The following ELAVL2 variants were observed in gnomAD, a reference collection of about 807,000 sequenced individuals.
ELAVL2 encodes ELAV-like protein 2.
ELAVL2 carries 4 observed loss-of-function variants against 34.6 expected under a neutral mutation model. The observed-to-expected ratio is 0.12, with a 90% CI of 0.06 to 0.26. The LOEUF is 0.26. Among genes scored for constraint, ELAVL2 ranks in the 10% least tolerant of loss-of-function variants. The pLI is 1.00. For synonymous variants in ELAVL2, 193 were observed against 154.8 expected (o/e 1.25, Z -1.83); for missense variants, 432 against 442.8 (o/e 0.98, Z 0.22).
chr9:23,726,383 TGA>T (rs1379925227), intron 3 of ELAVL2, among the ~76,000 whole-genome samples: 14 of 152,196 alleles, frequency 9.2e-5, no homozygotes, highest in Non-Finnish European at 1.9e-4. Context: ...TATAGCTGAA[TGA>T]TTAAGGAAAA....
At chr9:23,834,731 C>T in the ELAVL2 span, among the ~76,000 whole-genome samples, 1 of 151,972 alleles carries the variant, frequency 6.6e-6, no homozygotes, top group African/African-American at 2.4e-5. Flanking sequence ...TTTCTAATTG[C>T]AACCAAGTTT....
Position 23,692,663 on chromosome 9 carries a change from G to A in ELAVL2, c.974C>T (p.Thr325Ile). 1 of 1,614,154 alleles carries A rather than the reference G, an allele frequency of 6.2e-7. No homozygotes were observed. The highest frequency in any genetic ancestry group is 8.5e-7 in the Non-Finnish European group (1 of 1,180,008). Residue 325 changes from threonine (T) to isoleucine (I), a missense_variant, in exon 7 of 7, where the codon ACA (threonine) becomes ATA (isoleucine). Physicochemically the swap from Thr to Ile is moderately conservative, Grantham distance 89 (BLOSUM62 -1). This residue lies in a region of ELAVL2 where 295 missense variants were observed against 306.1 expected (regional missense o/e 0.96). Transcript: ENST00000397312. ...CGCCATGGCAGCCTCATCATAGTTT[G>A]TCATAGTCACAAATCCAAAACCTTT... ...KCKGFGFVTMTNYDEAAMAIA... is the reference protein window; with the variant it reads ...KCKGFGFVTMINYDEAAMAIA...
chr9:23,814,114 AAC>A (rs1312246758), intron 1 of ELAVL2, among the ~76,000 whole-genome samples: 6 of 152,094 alleles, frequency 3.9e-5, no homozygotes, highest in African/African-American at 1.4e-4. Flanking sequence ...AACTATTTAA[AAC>A]ACAGTTCAGG....
intron 3 of ELAVL2, among the ~76,000 whole-genome samples, chr9:23,714,476 A>T (rs61196597): frequency 0.059 from 8,973 of 152,236 alleles, 896 homozygotes; most frequent in African/African-American, 0.2. Context: ...GAACATAAGG[A>T]AGGAGCTGTC....
At chr9:23,752,705 T>C (rs139557719) in intron 2 of ELAVL2, among the ~76,000 whole-genome samples, 9 of 152,116 alleles carry the variant, frequency 5.9e-5, no homozygotes, top group Non-Finnish European at 1.3e-4. Flanking sequence ...TCTGCCCACC[T>C]TGGCCTCCCA....
the ELAVL2 span, among the ~76,000 whole-genome samples, chr9:23,834,935 C>T: frequency 6.6e-6 from 1 of 151,948 alleles, no homozygotes; most frequent in Non-Finnish European, 1.5e-5. Context: ...ACAAAAAGCT[C>T]AATGTACTTT....
At chr9:23,788,055 G>C (rs1014174083) in intron 1 of ELAVL2, among the ~76,000 whole-genome samples, 6 of 152,142 alleles carry the variant, frequency 3.9e-5, no homozygotes, top group Non-Finnish European at 8.8e-5. Flanking sequence ...TGAACTACAG[G>C]TTAGAAAATT....
At chr9:23,771,674 A>C (rs1348761337) in intron 1 of ELAVL2, among the ~76,000 whole-genome samples, 1 of 152,164 alleles carries the variant, frequency 6.6e-6, no homozygotes, top group African/African-American at 2.4e-5. Flanking sequence ...ATTGATTTGT[A>C]ATCTATGTGA....
intron 1 of ELAVL2, among the ~76,000 whole-genome samples, chr9:23,782,732 A>G (rs1367314347): frequency 1.3e-5 from 2 of 152,218 alleles, no homozygotes; most frequent in Non-Finnish European, 2.9e-5. Context: ...ATGCTCAAAT[A>G]CTTCTTGGTA....
intron 3 of ELAVL2, among the ~76,000 whole-genome samples, chr9:23,705,558 T>A (rs2039042888): frequency 6.6e-6 from 1 of 152,246 alleles, no homozygotes; most frequent in East Asian, 1.9e-4. Flanking sequence ...GCCAATCCCC[T>A]AGAGCAGTGG....
intron 1 of ELAVL2, among the ~76,000 whole-genome samples, chr9:23,803,645 G>C (rs546085067): frequency 3.9e-5 from 6 of 152,076 alleles, no homozygotes; most frequent in Non-Finnish European, 8.8e-5. Flanking sequence ...ATGGATTTCA[G>C]TGTCCTCTAG....
chr9:23,729,875 T>C (rs886151200), intron 3 of ELAVL2, among the ~76,000 whole-genome samples: 1 of 152,032 alleles, frequency 6.6e-6, no homozygotes, highest in Admixed American at 6.6e-5. Context: ...CATTTCCAGA[T>C]ACCTGAAAAA....
intron 3 of ELAVL2, among the ~76,000 whole-genome samples, chr9:23,725,128 T>A (rs2044749538): frequency 6.6e-6 from 1 of 152,090 alleles, no homozygotes; most frequent in Non-Finnish European, 1.5e-5. Flanking sequence ...GATGTGGCGT[T>A]TAAATACAAA....
intron 2 of ELAVL2, among the ~76,000 whole-genome samples, chr9:23,740,032 C>A (rs10966059): frequency 0.34 from 51,360 of 151,900 alleles, 9,173 homozygotes; most frequent in African/African-American, 0.43. Context: ...CCATGTGAAA[C>A]AAAAATTCTC....
chr9:23,806,978 C>A (rs565631090), intron 1 of ELAVL2, among the ~76,000 whole-genome samples: 3 of 152,020 alleles, frequency 2.0e-5, no homozygotes, highest in African/African-American at 7.3e-5. Flanking sequence ...TCCTTCTGCA[C>A]CTAAGGAAAA....
Position 23,692,516 on chromosome 9 carries a change from G to C in ELAVL2, c.*41C>G. On this transcript the variant is annotated 3_prime_UTR_variant, in exon 7 of 7. Coordinates refer to ENST00000397312, the MANE Select transcript of ELAVL2 (RefSeq NM_004432.5). The stretch of plus-strand genomic sequence containing the variant: ...AAGTTTCTCTTAACTTGCCTTTGTT[G>C]TATAGTTTTCATATATAAATGGACT... 1.3e-6 allele frequency: 2 copies of C among 1,564,108 alleles called. No homozygotes were observed. The highest frequency in any genetic ancestry group is 1.7e-6 in the Non-Finnish European group (2 of 1,154,476).
At chr9:23,740,513 C>CA (rs2048914273) in intron 2 of ELAVL2, among the ~76,000 whole-genome samples, 1 of 152,200 alleles carries the variant, frequency 6.6e-6, no homozygotes. Context: ...CCTGTACATC[C>CA]AAAGTTTACA....
chr9:23,716,305 AAAGTAT>A (rs2042299050), intron 3 of ELAVL2, among the ~76,000 whole-genome samples: 1 of 152,190 alleles, frequency 6.6e-6, no homozygotes, highest in African/African-American at 2.4e-5. Context: ...CCTAGAACTT[AAAGTAT>A]AATTTTAAAA....
chr9:23,713,544 CAA>C (rs1036675026), intron 3 of ELAVL2, among the ~76,000 whole-genome samples: 2 of 152,080 alleles, frequency 1.3e-5, no homozygotes, highest in Non-Finnish European at 2.9e-5. Context: ...GCGTAACCAC[CAA>C]AGAGTCTATT....
Sources: allele counts gnomAD v4.1 joint callset (sites outside exome capture counted in the v4.1 genomes callset), GRCh38; gene constraint gnomAD v4.1.1; regional missense constraint gnomAD v4.1.1; transcripts MANE v1.5; gene names NCBI Gene and HGNC (gene_info 2026-07-23, HGNC 2026-07-21).